The following ABCA12 variants were observed in gnomAD, a reference collection of about 807,000 sequenced individuals.
ABCA12 encodes the protein glucosylceramide transporter ABCA12.
A neutral mutation model predicts 293.5 loss-of-function variants in ABCA12; 156 were observed. That is an observed-to-expected ratio of 0.53 (90% CI 0.47 to 0.61). The LOEUF (loss-of-function observed/expected upper bound fraction) is 0.61. Ranked by LOEUF, ABCA12 falls within the 20% of genes least tolerant of loss-of-function variation. The pLI is 0.00. For synonymous variants in ABCA12, 1,063 were observed against 1,108.0 expected (o/e 0.96, Z 0.81); for missense variants, 2,797 against 3,090.2 (o/e 0.91, Z 2.25).
At chr2:214,983,558 A>G (rs967768780) in intron 29 of ABCA12, 89 bp downstream of exon 29, 4 of 1,086,096 alleles carry the variant, frequency 3.7e-6, no homozygotes, top group African/African-American at 1.5e-5. Flanking sequence ...AATATTTCCT[A>G]TTGGTATCAT....
intron 1 of ABCA12, among the ~76,000 whole-genome samples, chr2:215,127,658 C>G (rs545532518): frequency 2.4e-4 from 36 of 152,254 alleles, no homozygotes; most frequent in African/African-American, 8.7e-4. Flanking sequence ...CCTTTTTCCA[C>G]CCCTTTACTT....
At chr2:215,134,867 C>T (rs960215077) in intron 1 of ABCA12, among the ~76,000 whole-genome samples, 5 of 151,954 alleles carry the variant, frequency 3.3e-5, no homozygotes, top group East Asian at 1.9e-4. Context: ...AAGCTGGTCT[C>T]GAACTCCTAG....
intron 6 of ABCA12, among the ~76,000 whole-genome samples, chr2:215,048,981 A>G (rs904150001): frequency 4.6e-5 from 7 of 152,294 alleles, no homozygotes; most frequent in Middle Eastern, 3.4e-3. Flanking sequence ...AGAGGGAAAC[A>G]ACCGACACTG....
chr2:214,974,854 G>A lies in ABCA12; in HGVS notation c.5392C>T (p.Pro1798Ser), dbSNP rs746723389. 1.9e-6 allele frequency: 3 copies of A among 1,613,922 alleles called. No individual in the cohort carries two copies. The highest frequency in any genetic ancestry group is 2.2e-5 in the East Asian group (1 of 44,872). ...EQTAFYANYH[P>S]STEALVSAMW... Reference sequence around the variant, plus strand: ...GCTGAGACAAGTGCTTCCGTGCTCGGGTGATAATTACTGCAATATGAAAGG... The same window carrying A: ...GCTGAGACAAGTGCTTCCGTGCTCGAGTGATAATTACTGCAATATGAAAGG... The change falls in exon 35 of 53, where the codon CCG becomes TCG. Residue 1798 changes from proline to serine, a missense_variant. Pro to Ser is a moderately conservative substitution (Grantham distance 74). This residue lies in a region of ABCA12 where 2,130 missense variants were observed against 2,427.0 expected (regional missense o/e 0.88). Coordinates refer to ENST00000272895, the MANE Select transcript of ABCA12 (RefSeq NM_173076.3).
chr2:214,934,600 A>G, intron 51 of ABCA12, among the ~76,000 whole-genome samples: 1 of 150,292 alleles, frequency 6.7e-6, no homozygotes, highest in East Asian at 1.9e-4. Context: ...GAAGTGTTCT[A>G]AAACGCTAAA....
At chr2:214,969,716 T>C (rs550179531) in intron 37 of ABCA12, among the ~76,000 whole-genome samples, 2 of 152,204 alleles carry the variant, frequency 1.3e-5, no homozygotes, top group East Asian at 3.9e-4. Flanking sequence ...TCTAATTATT[T>C]TTTACAATGA....
At chr2:214,950,382 A>C (rs4673922) in intron 45 of ABCA12, among the ~76,000 whole-genome samples, 1,900 of 122,896 alleles carry the variant, frequency 0.015, 45 homozygotes, top group African/African-American at 0.054. Flanking sequence ...GTATATATAT[A>C]TCTGTGTGTG....
At position 215,075,164 on chromosome 2, in the gene ABCA12, G is replaced by A. The variant is rs78581728; in HGVS notation, c.164-10945C>T. Among the ~76,000 whole-genome samples the A allele has an allele frequency of 1.3e-4, 20 of 152,130 alleles. No individual in the cohort carries two copies. In the East Asian group the frequency reaches 3.9e-3, roughly 30 times the overall value. On this transcript the variant is annotated intron_variant, in intron 2 of 52. Coordinates refer to ENST00000272895, the MANE Select transcript of ABCA12 (RefSeq NM_173076.3). ...TCCTTAGCAGAAGGGAGATGGAGGT[G>A]TTTACCACTTGCAGGCAAAGAGGGG...
intron 32 of ABCA12, 26 bp from the exon 33 acceptor site, chr2:214,978,492 A>C (rs1471506803): frequency 6.2e-7 from 1 of 1,609,810 alleles, no homozygotes; most frequent in African/African-American, 1.3e-5. Context: ...AGATCACTTC[A>C]TTAACATGAA....
chr2:215,110,102 TATAA>T (rs998277840), intron 2 of ABCA12, among the ~76,000 whole-genome samples: 3 of 152,216 alleles, frequency 2.0e-5, no homozygotes, highest in South Asian at 4.1e-4. Flanking sequence ...GTCAATCTGT[TATAA>T]ATAACTAATA....
rs764239599 is a variant in ABCA12 at position 215,011,991 on chromosome 2, T to C, written c.2101A>G (p.Arg701Gly). ...MRSLKQMHLP[R>G]SVPLTQAMYR... ...GCTACCTGTGTTAATGGAACACTTC[T>C]GGGCAGATGCATTTGCTTCAGGGAT... Residue 701 changes from arginine to glycine, a missense_variant, in exon 16 of 53, where the codon AGA (arginine) becomes GGA (glycine). Around this residue, in one of 3 missense-constraint regions of ABCA12, gnomAD observed 2,130 missense variants for 2,427.0 expected, o/e 0.88. Transcript: ENST00000272895. The C allele has an allele frequency of 2.2e-5, 36 of 1,613,818 alleles. No individual in the cohort carries two copies. The highest frequency in any genetic ancestry group is 3.0e-5 in the Non-Finnish European group (35 of 1,179,908).
chr2:215,003,671 ATTT>A (rs11347715), intron 20 of ABCA12, among the ~76,000 whole-genome samples: 1 of 143,790 alleles, frequency 7.0e-6, no homozygotes, highest in Non-Finnish European at 1.5e-5. Context: ...AATAATAATA[ATTT>A]TTTTTTTTTT....
intron 3 of ABCA12, among the ~76,000 whole-genome samples, chr2:215,056,753 T>C (rs1701428142): frequency 6.6e-6 from 1 of 152,094 alleles, no homozygotes; most frequent in African/African-American, 2.4e-5. Flanking sequence ...GAAACACAGC[T>C]ACTTTCCCCC....
intron 51 of ABCA12, 71 bp from the exon 52 acceptor site, chr2:214,934,286 A>C (rs1479441789): frequency 6.4e-7 from 1 of 1,556,366 alleles, no homozygotes; most frequent in Non-Finnish European, 8.9e-7. Flanking sequence ...ACATAACTTT[A>C]CCAAGAGTTC....
intron 9 of ABCA12, among the ~76,000 whole-genome samples, chr2:215,027,794 G>T (rs1168956658): frequency 6.6e-6 from 1 of 152,068 alleles, no homozygotes; most frequent in Non-Finnish European, 1.5e-5. Flanking sequence ...AACTAGATTT[G>T]AATTCATTTA....
intron 36 of ABCA12, among the ~76,000 whole-genome samples, chr2:214,971,856 A>G (rs1406582500): frequency 1.3e-5 from 2 of 152,224 alleles, no homozygotes; most frequent in Admixed American, 1.3e-4. Context: ...CTGTTTGCAC[A>G]AAATTAAATT....
intron 41 of ABCA12, among the ~76,000 whole-genome samples, chr2:214,957,308 A>G (rs2105935707): frequency 6.6e-6 from 1 of 152,312 alleles, no homozygotes; most frequent in South Asian, 2.1e-4. Context: ...TATTTATTAA[A>G]TGCTGAGGAG....
At chr2:215,005,974 G>A (rs1700244965) in intron 19 of ABCA12, among the ~76,000 whole-genome samples, 1 of 152,316 alleles carries the variant, frequency 6.6e-6, no homozygotes, top group East Asian at 1.9e-4. Context: ...AGGGTTCACA[G>A]TGGCAAAGCC....
chr2:215,138,462 G>A lies in ABCA12; in HGVS notation c.-254C>T, dbSNP rs62204379. On this transcript the variant is annotated 5_prime_UTR_variant, in exon 1 of 53. Coordinates refer to ENST00000272895, the MANE Select transcript of ABCA12 (RefSeq NM_173076.3). ...GAAGGACCCAGATCAGTATCTTTGG[G>A]TGGCTTATGCTTATTTTAAAATAAT... 1.1e-5 allele frequency: 6 copies of A among 529,092 alleles called. No individual in the cohort carries two copies. Among genetic ancestry groups the A allele is most frequent in the Non-Finnish European group, 2.0e-5 (6 of 293,840 alleles). 32.8% of individuals were successfully genotyped at this position (529,092 alleles called of 1,614,324 possible). A position where few individuals can be genotyped will look rare whatever the true frequency, so the allele number is the denominator to read the frequency against.
Sources: gnomAD v4.1 joint callset for allele counts (sites outside exome capture counted in the v4.1 genomes callset) on GRCh38, gnomAD v4.1.1 for gene constraint, gnomAD v4.1.1 regional missense constraint, MANE v1.5 for transcripts, NCBI Gene and HGNC (gene_info 2026-07-23, HGNC 2026-07-21) for gene names.